DPP8: variants seen among roughly 807,000 people sequenced by gnomAD.
The protein encoded by DPP8 is DPP VIII.
DPP8 carries 31 observed loss-of-function variants against 107.5 expected under a neutral mutation model. The ratio of observed to expected loss-of-function variants is 0.29; its 90% CI spans 0.22 to 0.39. The LOEUF (loss-of-function observed/expected upper bound fraction) is 0.39, where lower values mean the gene tolerates loss of function less well. Ranked by LOEUF, DPP8 falls within the 10% of genes least tolerant of loss-of-function variation. DPP8 has a pLI of 1.00. For synonymous variants in DPP8, 381 were observed against 356.6 expected, an observed-to-expected ratio of 1.07 and a Z score of -0.77; for missense variants, 842 against 1,076.1, an observed-to-expected ratio of 0.78 and a Z score of 3.04.
chr15:65,495,642 T>C (rs1439925269), intron 5 of DPP8, among the ~76,000 whole-genome samples: 1 of 150,902 alleles, frequency 6.6e-6, no homozygotes, highest in Non-Finnish European at 1.5e-5. Flanking sequence ...GGCTCGTGCC[T>C]GTAATCCCAG....
rs773708779 is a variant in DPP8 at position 65,454,359 on chromosome 15, A to G, written c.2175T>C (p.Tyr725=). 71 of 1,604,980 alleles carry G rather than the reference A, an allele frequency of 4.4e-5. No individual in the cohort carries two copies. Among genetic ancestry groups the G allele is most frequent in the Non-Finnish European group, 5.7e-5 (67 of 1,177,104 alleles). ...VEGLQYLASR[Y]DFIDLDRVGI... ...CCACACGATCTAAGTCAATGAAATC[A>G]TATCGAGAAGCTAGATATTGGAGTC... Residue 725 remains tyrosine (Y), a synonymous_variant, in exon 17 of 20, where the codon TAT becomes TAC. Transcript: ENST00000300141.
chr15:65,460,473 AAC>A (rs59576467), intron 15 of DPP8, among the ~76,000 whole-genome samples: 33,772 of 151,784 alleles, frequency 0.22, 4,682 homozygotes, highest in East Asian at 0.72. Flanking sequence ...AAAGCACTCA[AAC>A]ACTCCCCATC....
chr15:65,475,551 C>T (rs902796618), intron 11 of DPP8: 10 of 1,292,072 alleles, frequency 7.7e-6, no homozygotes, highest in Admixed American at 5.2e-5. Context: ...AATCCATCCC[C>T]AGGCACTGAA....
At chr15:65,478,760 ATTAAGT>A in intron 11 of DPP8, 114 bp downstream of exon 11, 1 of 666,406 alleles carries the variant, frequency 1.5e-6, no homozygotes, top group Non-Finnish European at 2.5e-6. Flanking sequence ...TAACTTACAT[ATTAAGT>A]TTAACAAAGC....
chr15:65,463,366 C>T (rs2065076502), intron 15 of DPP8, among the ~76,000 whole-genome samples: 2 of 152,066 alleles, frequency 1.3e-5, no homozygotes, highest in South Asian at 4.1e-4. Flanking sequence ...TGGTGAAATC[C>T]CATGTCTACT....
At chr15:65,513,711 T>C (rs540792246) in intron 1 of DPP8, among the ~76,000 whole-genome samples, 1 of 139,318 alleles carries the variant, frequency 7.2e-6, no homozygotes, top group African/African-American at 2.6e-5. Flanking sequence ...GTTCAACCCC[T>C]AAATAGTGTT....
intron 19 of DPP8, 100 bp downstream of exon 19, chr15:65,450,899 G>A: frequency 5.5e-6 from 4 of 723,806 alleles, no homozygotes. Context: ...GCAGAGGGTG[G>A]ACACTCTAAA....
At chr15:65,452,964 G>A (rs1405534043) in intron 17 of DPP8, among the ~76,000 whole-genome samples, 1 of 151,780 alleles carries the variant, frequency 6.6e-6, no homozygotes, top group Non-Finnish European at 1.5e-5. Flanking sequence ...GCAAGACTCT[G>A]TCTCAAAAAA....
chr15:65,449,266 A>G lies in DPP8; in HGVS notation c.2526+1733T>C, dbSNP rs2063790675. Among the ~76,000 whole-genome samples, 3 of 146,852 alleles carry G rather than the reference A, an allele frequency of 2.0e-5. No individual in the cohort carries two copies. The Admixed American group carries it at 2.0e-4, about 10-fold the overall frequency. ...ATATATATAATTTAAAAATATATAT[A>G]TAATAAAAAGTATATATAATATATA... On this transcript the variant is annotated intron_variant, in intron 19 of 19. Transcript: ENST00000300141.
At chr15:65,477,599 G>A (rs534004190) in intron 11 of DPP8, among the ~76,000 whole-genome samples, 290 of 146,850 alleles carry the variant, frequency 2.0e-3, no homozygotes, top group Non-Finnish European at 3.2e-3. Context: ...GCGCGATCTC[G>A]GCTCACTGCA....
At chr15:65,497,207 A>C (rs556311666) in intron 5 of DPP8, among the ~76,000 whole-genome samples, 184 of 151,802 alleles carry the variant, frequency 1.2e-3, no homozygotes, top group Non-Finnish European at 2.3e-3. Flanking sequence ...AGTTTCTTAG[A>C]GTGTGTAATT....
chr15:65,499,342 C>A (rs1379312593), intron 4 of DPP8, among the ~76,000 whole-genome samples: 1 of 151,878 alleles, frequency 6.6e-6, no homozygotes, highest in Non-Finnish European at 1.5e-5. Context: ...AAGCAATTCT[C>A]GTGCTTCAGC....
At chr15:65,512,637 A>T in intron 1 of DPP8, 73 bp from the exon 2 acceptor site, 1 of 1,344,660 alleles carries the variant, frequency 7.4e-7, no homozygotes, top group Non-Finnish European at 1.0e-6. Flanking sequence ...TGAGAGGGTC[A>T]AAAAAAAAGC....
At chr15:65,485,211 T>TTTGAG in intron 7 of DPP8, 51 bp from the exon 8 acceptor site, 2 of 1,400,652 alleles carry the variant, frequency 1.4e-6, no homozygotes, top group Non-Finnish European at 2.0e-6. Context: ...ATTACTCAAA[T>TTTGAG]TAATTTTGCC....
At chr15:65,509,354 A>AT (rs1285382456) in intron 2 of DPP8, among the ~76,000 whole-genome samples, 3 of 152,086 alleles carry the variant, frequency 2.0e-5, no homozygotes, top group Admixed American at 6.6e-5. Flanking sequence ...CCCCACAATC[A>AT]TTTCAGTTGC....
At chr15:65,492,471 A>C (rs1340973189) in intron 5 of DPP8, among the ~76,000 whole-genome samples, 1 of 152,216 alleles carries the variant, frequency 6.6e-6, no homozygotes, top group Non-Finnish European at 1.5e-5. Flanking sequence ...ACAGTTATCC[A>C]AAGTATTTCT....
At chr15:65,476,620 G>A (rs909376633) in intron 11 of DPP8, among the ~76,000 whole-genome samples, 2 of 152,126 alleles carry the variant, frequency 1.3e-5, no homozygotes, top group Non-Finnish European at 2.9e-5. Flanking sequence ...AGCTCCTATG[G>A]AAAACAGTAT....
chr15:65,495,696 T>C (rs1367054894), intron 5 of DPP8, among the ~76,000 whole-genome samples: 1 of 150,554 alleles, frequency 6.6e-6, no homozygotes, highest in Non-Finnish European at 1.5e-5. Context: ...GTCAGAAGAT[T>C]GAGAACACCC....
At chr15:65,505,389 G>A (rs113189072) in intron 3 of DPP8, among the ~76,000 whole-genome samples, 4 of 151,934 alleles carry the variant, frequency 2.6e-5, no homozygotes, top group Admixed American at 6.6e-5. Context: ...AGTAGGCTGT[G>A]GGGGGTTGTG....
Sources: allele counts gnomAD v4.1 joint callset (sites outside exome capture counted in the v4.1 genomes callset), GRCh38; gene constraint gnomAD v4.1.1; transcripts MANE v1.5; gene names NCBI Gene and HGNC (gene_info 2026-07-23, HGNC 2026-07-21).